The following ANXA3 variants were observed in gnomAD, a reference collection of about 807,000 sequenced individuals.
The protein encoded by ANXA3 is 35-alpha calcimedin.
A neutral mutation model predicts 48.8 loss-of-function variants in ANXA3; 46 were observed. The observed-to-expected ratio is 0.94, with a 90% confidence interval of 0.74 to 1.21. The LOEUF is 1.21. ANXA3 is among the 50% of genes most tolerant of loss of function. The pLI is 0.00. For synonymous variants in ANXA3, 128 were observed against 134.7 expected, an observed-to-expected ratio of 0.95 and a Z score of 0.35; for missense variants, 383 against 378.6, an observed-to-expected ratio of 1.01 and a Z score of -0.10.
At chr4:78,565,463 A>T (rs1288613563) in intron 2 of ANXA3, among the ~76,000 whole-genome samples, 1 of 152,254 alleles carries the variant, frequency 6.6e-6, no homozygotes. Context: ...TTCTTAAAAT[A>T]ATCTCAGCAG....
At position 78,604,377 on chromosome 4, in the gene ANXA3, A is replaced by C; in HGVS notation, c.890A>C (p.Tyr297Ser). ...IRTEFKKHYG[Y>S]SLYSAIKSDT... ...ACAGAGTTCAAGAAGCATTATGGCT[A>C]TTCCCTATATTCAGCAATTAAAGTA... The change falls in exon 12 of 13, where the codon TAT (tyrosine) becomes TCT (serine). Residue 297 changes from tyrosine (Y) to serine (S), a missense_variant. Physicochemically the swap from Tyr to Ser is moderately radical, Grantham distance 144. Transcript: ENST00000264908. The C allele has an allele frequency of 6.2e-7, 1 of 1,611,692 alleles. No individual in the cohort carries two copies. The highest frequency in any genetic ancestry group is 1.1e-5 in the South Asian group (1 of 90,564).
chr4:78,595,810 G>T lies in ANXA3; in HGVS notation c.557G>T (p.Gly186Val). The change falls in exon 9 of 13, where the codon GGT (glycine) becomes GTT (valine). Residue 186 changes from glycine (G) to valine (V), a missense_variant. Gly to Val is a moderately radical substitution (Grantham distance 109). Coordinates refer to ENST00000264908, the MANE Select transcript of ANXA3 (RefSeq NM_005139.3). ...KQDAQILYKAGENRWGTDEDK... is the reference protein window; with the variant it reads ...KQDAQILYKAVENRWGTDEDK... ...TGTGAATAGATTCTCTATAAAGCTG[G>T]TGAGAACAGATGGGGCACGGATGAA... 1.2e-6 allele frequency: 2 copies of T among 1,608,368 alleles called. No homozygotes were observed. Among genetic ancestry groups the T allele is most frequent in the Non-Finnish European group, 1.7e-6 (2 of 1,174,920 alleles).
At chr4:78,573,298 T>C (rs1578394531) in intron 3 of ANXA3, 31 bp downstream of exon 3, 1 of 1,519,270 alleles carries the variant, frequency 6.6e-7, no homozygotes, top group Non-Finnish European at 9.1e-7. Flanking sequence ...CCTTTCTTAA[T>C]GTTGAAGCAA....
At chr4:78,578,629 G>A (rs963975572) in intron 3 of ANXA3, among the ~76,000 whole-genome samples, 4 of 152,146 alleles carry the variant, frequency 2.6e-5, no homozygotes, top group South Asian at 4.2e-4. Context: ...ATAAGTGTTG[G>A]TTCCTGTTTT....
intron 12 of ANXA3, among the ~76,000 whole-genome samples, chr4:78,605,044 T>C (rs532206015): frequency 6.6e-6 from 1 of 152,342 alleles, no homozygotes; most frequent in Non-Finnish European, 1.5e-5. Flanking sequence ...ACTAATTGAA[T>C]TCCATTTTGC....
intron 12 of ANXA3, among the ~76,000 whole-genome samples, chr4:78,608,335 T>C (rs1723693821): frequency 6.6e-6 from 1 of 152,110 alleles, no homozygotes; most frequent in Non-Finnish European, 1.5e-5. Context: ...CAGTAGAACA[T>C]TCTAATAAAA....
intron 3 of ANXA3, among the ~76,000 whole-genome samples, chr4:78,575,683 A>G (rs887434107): frequency 2.0e-5 from 3 of 152,216 alleles, no homozygotes; most frequent in African/African-American, 7.2e-5. Context: ...CGTGAAATGG[A>G]TTAATACAAT....
At chr4:78,552,029 G>A (rs1036133610) in intron 1 of ANXA3, 170 bp downstream of exon 1, 9 of 152,372 alleles carry the variant, frequency 5.9e-5, no homozygotes, top group African/African-American at 2.2e-4. Context: ...CTGCGTGGGT[G>A]GGGAGCTGGA....
chr4:78,597,827 T>C (rs943822814), intron 10 of ANXA3, among the ~76,000 whole-genome samples: 1 of 152,080 alleles, frequency 6.6e-6, no homozygotes, highest in Non-Finnish European at 1.5e-5. Flanking sequence ...TTGCCCAGGC[T>C]GGTCGTGAAC....
intron 10 of ANXA3, among the ~76,000 whole-genome samples, chr4:78,600,995 T>G (rs1723522735): frequency 6.6e-6 from 1 of 152,190 alleles, no homozygotes; most frequent in Non-Finnish European, 1.5e-5. Flanking sequence ...GGAGTCACTC[T>G]AACCAGCCTA....
intron 2 of ANXA3, among the ~76,000 whole-genome samples, chr4:78,557,333 T>C (rs911084513): frequency 6.6e-6 from 1 of 152,210 alleles, no homozygotes; most frequent in Non-Finnish European, 1.5e-5. Flanking sequence ...TGAAGACATT[T>C]CTCTGCTTTT....
At chr4:78,559,168 C>T (rs1457779603) in intron 2 of ANXA3, among the ~76,000 whole-genome samples, 4 of 152,120 alleles carry the variant, frequency 2.6e-5, no homozygotes, top group Non-Finnish European at 5.9e-5. Context: ...CAGCCTCAAC[C>T]TCCTGGGCTC....
intron 5 of ANXA3, 24 bp from the exon 6 acceptor site, chr4:78,586,236 A>G: frequency 6.3e-7 from 1 of 1,596,616 alleles, no homozygotes; most frequent in South Asian, 1.1e-5. Context: ...TGTTCTAAAA[A>G]TTAGATTTTC....
intron 4 of ANXA3, among the ~76,000 whole-genome samples, chr4:78,580,199 C>T (rs925918119): frequency 3.9e-5 from 6 of 152,216 alleles, no homozygotes; most frequent in Non-Finnish European, 7.3e-5. Context: ...TGACTGGCTC[C>T]TGCAGATAGA....
chr4:78,567,011 C>T (rs1328543153), intron 2 of ANXA3, among the ~76,000 whole-genome samples: 1 of 152,224 alleles, frequency 6.6e-6, no homozygotes, highest in Non-Finnish European at 1.5e-5. Flanking sequence ...CTACTCCTTA[C>T]TGCCCTGTGG....
intron 12 of ANXA3, among the ~76,000 whole-genome samples, chr4:78,606,243 T>G (rs1332270914): frequency 1.3e-5 from 2 of 152,120 alleles, no homozygotes; most frequent in Non-Finnish European, 2.9e-5. Flanking sequence ...CCAGGTGAAC[T>G]CTCCAAGGTC....
chr4:78,596,044 C>T (rs1330590327), intron 9 of ANXA3, among the ~76,000 whole-genome samples, 157 bp downstream of exon 9: 2 of 152,204 alleles, frequency 1.3e-5, no homozygotes, highest in Non-Finnish European at 2.9e-5. Flanking sequence ...TGTATTGTAA[C>T]TCAAGGAAGT....
chr4:78,591,550 A>G lies in ANXA3; in HGVS notation c.410A>G (p.Lys137Arg), dbSNP rs1244144189. The change falls in exon 7 of 13, where the codon AAG (lysine) becomes AGG (arginine). Residue 137 changes from lysine (K) to arginine (R), a missense_variant. Physicochemically the swap from Lys to Arg is conservative, Grantham distance 26 (BLOSUM62 2). Transcript: ENST00000264908. ...DISQAYYTVY[K>R]KSLGDDISSE... Reference sequence around the variant, plus strand: ...CATTCTGATTTGGTTTCAGTATACAAGAAGAGTCTTGGAGATGACATTAGT... The same window carrying G: ...CATTCTGATTTGGTTTCAGTATACAGGAAGAGTCTTGGAGATGACATTAGT... The G allele has an allele frequency of 6.2e-7, 1 of 1,610,840 alleles. No individual in the cohort carries two copies. Among genetic ancestry groups the G allele is most frequent in the East Asian group, 2.2e-5 (1 of 44,826 alleles).
chr4:78,596,264 A>T (rs1723422170), intron 9 of ANXA3, among the ~76,000 whole-genome samples: 1 of 152,260 alleles, frequency 6.6e-6, no homozygotes, highest in Non-Finnish European at 1.5e-5. Context: ...CAGAAAAGCC[A>T]GACACTGCAG....
Sources: gnomAD v4.1 joint callset for allele counts (sites outside exome capture counted in the v4.1 genomes callset) on GRCh38, gnomAD v4.1.1 for gene constraint, MANE v1.5 for transcripts, NCBI Gene and HGNC (gene_info 2026-07-23, HGNC 2026-07-21) for gene names.